The following EIF3H variants were observed in gnomAD, a reference collection of about 807,000 sequenced individuals.
EIF3H encodes eIF-3-gamma.
EIF3H carries 26 observed loss-of-function variants against 44.2 expected under a neutral mutation model. The ratio of observed to expected loss-of-function variants is 0.59; its 90% CI spans 0.43 to 0.82. The LOEUF (loss-of-function observed/expected upper bound fraction) is 0.82, where lower values mean the gene tolerates loss of function less well. EIF3H is among the 40% of genes least tolerant of loss of function. The pLI is 0.00. For missense variants in EIF3H, 359 were observed against 432.8 expected (o/e 0.83, Z 1.51); for synonymous variants, 166 against 151.9 (o/e 1.09, Z -0.68).
upstream of EIF3H, among the ~76,000 whole-genome samples, chr8:116,757,135 AT>A (rs1334099599): frequency 6.6e-6 from 1 of 152,162 alleles, no homozygotes; most frequent in Non-Finnish European, 1.5e-5. Context: ...ATATTTTGCA[AT>A]TTTTTTGTCC....
Position 116,654,889 on chromosome 8 carries a change from A to T in EIF3H, c.707+967T>A, listed in dbSNP as rs550068199. The stretch of plus-strand genomic sequence containing the variant: ...TCATCCCACTTGCCTTATATCGAGG[A>T]AGTACAAAGTCTGTACACTTTTTTT... On this transcript the variant is annotated intron_variant, in intron 5 of 7. Transcript: ENST00000521861. 4.1e-5 allele frequency among the ~76,000 whole-genome samples: 6 copies of T among 145,786 alleles called. No homozygotes were observed. The South Asian group carries it at 1.4e-3, about 33-fold the overall frequency.
rs1422093674 is a variant in EIF3H, at chr8:116,659,773, CAATAT to C, written c.290-798_290-794del. On this transcript the variant is annotated intron_variant, in intron 2 of 7. Transcript: ENST00000521861. ...TACCAGAAAAACAGATTAAAACTAG[CAATAT>C]AATAAACGACATTTTAAAAAGCAAT... Among the ~76,000 whole-genome samples, 5 of 152,016 alleles carry C rather than the reference CAATAT, an allele frequency of 3.3e-5. No individual in the cohort carries two copies. In the East Asian group the frequency reaches 9.7e-4, roughly 29 times the overall value.
chr8:116,715,341 GA>G (rs35579703), intron 2 of EIF3H, among the ~76,000 whole-genome samples: 4 of 147,966 alleles, frequency 2.7e-5, no homozygotes, highest in East Asian at 1.9e-4. Flanking sequence ...TACTGAAAAT[GA>G]AAAAAAAACA....
chr8:116,741,839 T>C (rs1815138276), intron 1 of EIF3H, among the ~76,000 whole-genome samples: 1 of 152,280 alleles, frequency 6.6e-6, no homozygotes, highest in Non-Finnish European at 1.5e-5. Context: ...CTGACTGGTC[T>C]GTGAACTTGG....
chr8:116,692,635 C>T (rs1273051147), intron 2 of EIF3H, among the ~76,000 whole-genome samples: 2 of 152,180 alleles, frequency 1.3e-5, no homozygotes, highest in Non-Finnish European at 2.9e-5. Flanking sequence ...AGGAAAAGTA[C>T]AGTTTGTCCT....
chr8:116,720,982 AT>A (rs1225882622), intron 2 of EIF3H, among the ~76,000 whole-genome samples: 2 of 152,004 alleles, frequency 1.3e-5, no homozygotes, highest in African/African-American at 4.8e-5. Context: ...AGAAAAGCCC[AT>A]TTTCTGAGGA....
At chr8:116,656,160 A>T (rs1405061547) in intron 4 of EIF3H, among the ~76,000 whole-genome samples, 155 bp from the exon 5 acceptor site, 1 of 152,114 alleles carries the variant, frequency 6.6e-6, no homozygotes, top group East Asian at 1.9e-4. Flanking sequence ...GGAGTTTTAC[A>T]GAGTCAAGCA....
intron 2 of EIF3H, among the ~76,000 whole-genome samples, chr8:116,715,895 CTTTT>C (rs5894348): frequency 3.3e-5 from 5 of 151,806 alleles, no homozygotes; most frequent in South Asian, 2.1e-4. Flanking sequence ...TTTTTCTACT[CTTTT>C]TTGTTTGAAA....
intron 5 of EIF3H, among the ~76,000 whole-genome samples, chr8:116,654,888 G>A (rs1813462764): frequency 6.8e-6 from 1 of 146,258 alleles, no homozygotes; most frequent in African/African-American, 2.5e-5. Flanking sequence ...TTATATCGAG[G>A]AAGTACAAAG....
At chr8:116,677,685 G>A (rs1256554472) in intron 2 of EIF3H, among the ~76,000 whole-genome samples, 1 of 152,136 alleles carries the variant, frequency 6.6e-6, no homozygotes, top group Non-Finnish European at 1.5e-5. Context: ...TTTTCCAATC[G>A]TCACATGTGT....
chr8:116,716,300 T>C (rs1814658510), intron 2 of EIF3H, among the ~76,000 whole-genome samples: 1 of 152,102 alleles, frequency 6.6e-6, no homozygotes, highest in African/African-American at 2.4e-5. Flanking sequence ...TACCATTATC[T>C]TTCCACAATG....
At position 116,755,737 on chromosome 8, in the gene EIF3H, C is replaced by G. The variant is rs761321250; in HGVS notation, c.61G>C (p.Ala21Pro). The G allele has an allele frequency of 3.7e-6, 6 of 1,614,154 alleles. No individual in the cohort carries two copies. The Admixed American group carries it at 1.0e-4, about 27-fold the overall frequency. ...CCTTTGCCTTTGCCTTTCCCTGCTG[C>G]GCCGGCGGTGGAGCTGGAAGAGGTG... ...TATSSSSTAG[A>P]AGKGKGKGGS... The change falls in exon 1 of 8, where the codon GCA becomes CCA. Residue 21 changes from alanine to proline, a missense_variant. By Grantham distance (27) the Ala-to-Pro change is conservative. Around this residue, in one of 5 missense-constraint regions of EIF3H, gnomAD observed 59 missense variants for 33.5 expected, o/e 1.76. Coordinates refer to ENST00000521861, the MANE Select transcript of EIF3H (RefSeq NM_003756.3).
Position 116,648,487 on chromosome 8 carries a change from T to A in EIF3H, c.828+319A>T, listed in dbSNP as rs1439914051. On this transcript the variant is annotated intron_variant, in intron 6 of 7. Transcript: ENST00000521861. Reference sequence around the variant, plus strand: ...CACAATGAGCCACTGCCAAACCAATTATAGTTAGTAAAGAAATGAGCTGTG... The same window carrying A: ...CACAATGAGCCACTGCCAAACCAATAATAGTTAGTAAAGAAATGAGCTGTG... 2.0e-5 allele frequency among the ~76,000 whole-genome samples: 3 copies of A among 152,154 alleles called. No individual in the cohort carries two copies. The East Asian group carries it at 5.8e-4, about 29-fold the overall frequency.
At chr8:116,764,857 C>T (rs898032293) in intron 1 of EIF3H, among the ~76,000 whole-genome samples, 2 of 152,216 alleles carry the variant, frequency 1.3e-5, no homozygotes, top group South Asian at 4.1e-4. Context: ...CCATTATAGA[C>T]CATCTTCATG....
chr8:116,665,703 A>C (rs1414590990), intron 2 of EIF3H, among the ~76,000 whole-genome samples: 1 of 152,240 alleles, frequency 6.6e-6, no homozygotes, highest in Non-Finnish European at 1.5e-5. Context: ...TCCCAGCTGC[A>C]ACATGGGACA....
intron 2 of EIF3H, among the ~76,000 whole-genome samples, chr8:116,675,015 G>C (rs1813822602): frequency 6.6e-6 from 1 of 152,106 alleles, no homozygotes; most frequent in South Asian, 2.1e-4. Flanking sequence ...CATCTTTAAA[G>C]ACAAGATTCA....
chr8:116,723,985 T>C (rs1325774138), intron 2 of EIF3H, among the ~76,000 whole-genome samples: 1 of 152,170 alleles, frequency 6.6e-6, no homozygotes, highest in Non-Finnish European at 1.5e-5. Context: ...TCATATGGAA[T>C]CTCAAAGGAC....
At chr8:116,706,367 G>A (rs146210618) in intron 2 of EIF3H, among the ~76,000 whole-genome samples, 1,584 of 152,132 alleles carry the variant, frequency 0.01, 14 homozygotes, top group Non-Finnish European at 0.017. Context: ...GGTTTTCCTC[G>A]TCTGTCTCTC....
At chr8:116,705,899 C>A (rs891739851) in intron 2 of EIF3H, among the ~76,000 whole-genome samples, 1 of 151,650 alleles carries the variant, frequency 6.6e-6, no homozygotes, top group African/African-American at 2.4e-5. Context: ...TAGGGGAACT[C>A]TGTACTATCT....
Sources: allele counts gnomAD v4.1 joint callset (sites outside exome capture counted in the v4.1 genomes callset), GRCh38; gene constraint gnomAD v4.1.1; regional missense constraint gnomAD v4.1.1; transcripts MANE v1.5; gene names NCBI Gene and HGNC (gene_info 2026-07-23, HGNC 2026-07-21).